Variants in DPP10 observed in about 807,000 individuals in gnomAD.
DPP10 encodes the protein inactive dipeptidyl peptidase 10.
A neutral mutation model predicts 120.9 loss-of-function variants in DPP10; 33 were observed. The observed-to-expected ratio is 0.27, with a 90% CI of 0.21 to 0.37. The LOEUF (loss-of-function observed/expected upper bound fraction) is 0.37. Among genes scored for constraint, DPP10 ranks in the 10% least tolerant of loss-of-function variants. DPP10 has a pLI of 1.00. For missense variants in DPP10, 816 were observed against 942.8 expected (o/e 0.87, Z 1.76); for synonymous variants, 337 against 326.1 (o/e 1.03, Z -0.36).
intron 5 of DPP10, among the ~76,000 whole-genome samples, chr2:115,585,946 C>T (rs534633178): frequency 6.6e-6 from 1 of 152,058 alleles, no homozygotes; most frequent in Non-Finnish European, 1.5e-5. Context: ...ACATAATAAT[C>T]CAATGTGAGG....
At chr2:115,183,248 A>C (rs1226986521) in intron 1 of DPP10, among the ~76,000 whole-genome samples, 2 of 151,980 alleles carry the variant, frequency 1.3e-5, no homozygotes, top group African/African-American at 4.8e-5. Context: ...TTTTTTAGAG[A>C]TAGGTTTTTT....
intron 1 of DPP10, among the ~76,000 whole-genome samples, chr2:115,190,915 C>T (rs1211250479): frequency 1.3e-5 from 2 of 152,134 alleles, no homozygotes; most frequent in African/African-American, 4.8e-5. Context: ...AATTTTTAAC[C>T]TCTACAGAAA....
intron 1 of DPP10, among the ~76,000 whole-genome samples, chr2:114,898,584 G>A (rs993208446): frequency 4.6e-5 from 7 of 152,012 alleles, no homozygotes; most frequent in East Asian, 1.9e-4. Flanking sequence ...ATATTGTAAT[G>A]GACAGTTAAA....
chr2:115,155,308 G>A (rs1032499577), intron 1 of DPP10, among the ~76,000 whole-genome samples: 6 of 152,148 alleles, frequency 3.9e-5, no homozygotes, highest in Admixed American at 6.5e-5. Flanking sequence ...GTGAACTTGC[G>A]ATGGGAAGGT....
intron 1 of DPP10, among the ~76,000 whole-genome samples, chr2:114,874,124 C>T (rs1406204931): frequency 6.6e-6 from 1 of 152,136 alleles, no homozygotes; most frequent in East Asian, 1.9e-4. Flanking sequence ...GAGCCAGAGG[C>T]TTCTTTCTCC....
chr2:115,355,702 G>A (rs546923132), intron 3 of DPP10, among the ~76,000 whole-genome samples: 4 of 152,154 alleles, frequency 2.6e-5, no homozygotes, highest in Non-Finnish European at 5.9e-5. Flanking sequence ...TTATATTTAA[G>A]TCTTAAATCC....
intron 1 of DPP10, among the ~76,000 whole-genome samples, chr2:114,575,654 G>A (rs1277513771): frequency 2.6e-5 from 4 of 152,110 alleles, no homozygotes; most frequent in Non-Finnish European, 4.4e-5. Flanking sequence ...AGTTTAAGGG[G>A]CTAAAATCTG....
intron 1 of DPP10, among the ~76,000 whole-genome samples, chr2:115,155,980 T>C (rs2104927656): frequency 6.6e-6 from 1 of 152,306 alleles, no homozygotes; most frequent in African/African-American, 2.4e-5. Context: ...CTTTAGTAAA[T>C]ATTTAGATAT....
chr2:115,377,535 G>A (rs1358681860), intron 3 of DPP10, among the ~76,000 whole-genome samples: 2 of 152,064 alleles, frequency 1.3e-5, no homozygotes, highest in Admixed American at 1.3e-4. Flanking sequence ...TTCTTTTGCT[G>A]TGAAGAAGCT....
intron 5 of DPP10, among the ~76,000 whole-genome samples, chr2:115,650,195 G>A (rs570972960): frequency 6.6e-6 from 1 of 152,134 alleles, no homozygotes; most frequent in East Asian, 1.9e-4. Flanking sequence ...TTCAATCGTC[G>A]AGGTGTATCT....
At chr2:115,082,817 A>T (rs1357633586) in intron 1 of DPP10, among the ~76,000 whole-genome samples, 2 of 152,230 alleles carry the variant, frequency 1.3e-5, no homozygotes, top group African/African-American at 4.8e-5. Context: ...AATTCACACC[A>T]GATTGCCAAC....
At chr2:115,538,908 T>C (rs1434102224) in intron 5 of DPP10, among the ~76,000 whole-genome samples, 1 of 152,080 alleles carries the variant, frequency 6.6e-6, no homozygotes, top group African/African-American at 2.4e-5. Flanking sequence ...ATTAATTATG[T>C]ATCATATTCA....
chr2:115,732,080 G>A (rs2092924954), intron 8 of DPP10, among the ~76,000 whole-genome samples: 1 of 152,118 alleles, frequency 6.6e-6, no homozygotes, highest in South Asian at 2.1e-4. Flanking sequence ...TCAACGTTAT[G>A]TGTGTGATAC....
intron 1 of DPP10, among the ~76,000 whole-genome samples, chr2:114,984,337 T>C (rs1276845938): frequency 6.6e-6 from 1 of 152,096 alleles, no homozygotes; most frequent in Non-Finnish European, 1.5e-5. Context: ...CTGGGGCAAA[T>C]TCGCGACTGC....
intron 1 of DPP10, among the ~76,000 whole-genome samples, chr2:114,784,193 A>C (rs886718823): frequency 6.6e-6 from 1 of 152,032 alleles, no homozygotes; most frequent in Non-Finnish European, 1.5e-5. Flanking sequence ...TGATCAAATA[A>C]CACTATTTTG....
At chr2:115,172,421 T>G (rs997772716) in intron 1 of DPP10, among the ~76,000 whole-genome samples, 20 of 152,130 alleles carry the variant, frequency 1.3e-4, no homozygotes, top group Admixed American at 5.9e-4. Context: ...AGCTGATTAT[T>G]TGTATTTCCA....
intron 13 of DPP10, among the ~76,000 whole-genome samples, chr2:115,773,505 G>T (rs958997604): frequency 2.6e-5 from 4 of 152,018 alleles, no homozygotes; most frequent in African/African-American, 9.7e-5. Flanking sequence ...TGAAATTAAA[G>T]TTGAAATATT....
chr2:115,442,174 C>T (rs1005582439), intron 3 of DPP10, among the ~76,000 whole-genome samples: 7 of 151,792 alleles, frequency 4.6e-5, no homozygotes, highest in Non-Finnish European at 2.9e-5. Context: ...TGTGCTTGTA[C>T]TCTGTTAAGG....
chr2:114,637,589 GT>G, intron 1 of DPP10, among the ~76,000 whole-genome samples: 1 of 151,920 alleles, frequency 6.6e-6, no homozygotes, highest in Non-Finnish European at 1.5e-5. Flanking sequence ...TATTTTCTAG[GT>G]TTTCTTCTAG....
Sources: gnomAD v4.1 joint callset for allele counts (sites outside exome capture counted in the v4.1 genomes callset) on GRCh38, gnomAD v4.1.1 for gene constraint, MANE v1.5 for transcripts, NCBI Gene and HGNC (gene_info 2026-07-23, HGNC 2026-07-21) for gene names.